Variants in TLE4 observed in about 807,000 individuals in gnomAD.
TLE4 encodes the protein TLE family member 4, transcriptional corepressor, also known as transducin-like enhancer protein 4.
A neutral mutation model predicts 92.8 loss-of-function variants in TLE4; 8 were observed. That is an observed-to-expected ratio of 0.09 (90% CI 0.05 to 0.16). The LOEUF (loss-of-function observed/expected upper bound fraction) is 0.16. Ranked by LOEUF, TLE4 falls within the 10% of genes least tolerant of loss-of-function variation. The pLI is 1.00. For missense variants in TLE4, 675 were observed against 997.6 expected (o/e 0.68, Z 4.36); for synonymous variants, 371 against 374.1 (o/e 0.99, Z 0.10).
At chr9:79,591,534 C>G (rs1414484808) in intron 4 of TLE4, among the ~76,000 whole-genome samples, 3 of 152,166 alleles carry the variant, frequency 2.0e-5, no homozygotes, top group Non-Finnish European at 4.4e-5. Flanking sequence ...GGGACCATAT[C>G]TGTTTTGCTA....
intron 4 of TLE4, among the ~76,000 whole-genome samples, chr9:79,600,446 T>C (rs1419968719): frequency 6.6e-6 from 1 of 152,098 alleles, no homozygotes; most frequent in East Asian, 1.9e-4. Flanking sequence ...TGAATGGTAG[T>C]GGACTTTGTG....
At chr9:79,703,925 C>T (rs1565052339) in intron 8 of TLE4, among the ~76,000 whole-genome samples, 1 of 151,964 alleles carries the variant, frequency 6.6e-6, no homozygotes, top group Non-Finnish European at 1.5e-5. Context: ...CCCAAAATTA[C>T]TTTCCCCCCT....
intron 14 of TLE4, among the ~76,000 whole-genome samples, chr9:79,710,362 G>T (rs1411564694): frequency 6.6e-6 from 1 of 152,236 alleles, no homozygotes; most frequent in Non-Finnish European, 1.5e-5. Context: ...AGCACTGGCT[G>T]TTTCTTTAAA....
intron 7 of TLE4, 139 bp from the exon 8 acceptor site, chr9:79,653,920 C>A: frequency 1.0e-6 from 1 of 974,756 alleles, no homozygotes; most frequent in Non-Finnish European, 1.6e-6. Context: ...TTTTACAGCA[C>A]AGTTGACATC....
chr9:79,580,754 A>G (rs530043851), intron 4 of TLE4, among the ~76,000 whole-genome samples: 1 of 151,892 alleles, frequency 6.6e-6, no homozygotes, highest in Non-Finnish European at 1.5e-5. Context: ...GAACTCTTGT[A>G]TAATAATGAG....
chr9:79,676,122 C>T (rs912909856), intron 8 of TLE4, among the ~76,000 whole-genome samples: 1 of 152,028 alleles, frequency 6.6e-6, no homozygotes, highest in African/African-American at 2.4e-5. Flanking sequence ...ACTTTACACT[C>T]GTTTTATACT....
chr9:79,679,630 A>G (rs1293070394), intron 8 of TLE4, among the ~76,000 whole-genome samples: 1 of 152,042 alleles, frequency 6.6e-6, no homozygotes, highest in Non-Finnish European at 1.5e-5. Flanking sequence ...ATTAGATCCC[A>G]TTTGTCAATT....
At chr9:79,710,775 T>A (rs2073075485) in intron 14 of TLE4, among the ~76,000 whole-genome samples, 1 of 152,204 alleles carries the variant, frequency 6.6e-6, no homozygotes, top group African/African-American at 2.4e-5. Flanking sequence ...ACTACCTTTT[T>A]AATGCTTTTT....
chr9:79,656,161 T>C (rs186842073), intron 8 of TLE4, among the ~76,000 whole-genome samples: 4 of 152,296 alleles, frequency 2.6e-5, no homozygotes, highest in Non-Finnish European at 5.9e-5. Context: ...TGAGATAGTT[T>C]GCTTATTTTT....
intron 8 of TLE4, among the ~76,000 whole-genome samples, chr9:79,687,650 C>G (rs774611207): frequency 4.6e-5 from 7 of 152,112 alleles, no homozygotes; most frequent in Non-Finnish European, 8.8e-5. Flanking sequence ...CTTCCTTGGC[C>G]TCTTCCTTGC....
At chr9:79,628,167 G>T (rs927292714) in intron 6 of TLE4, among the ~76,000 whole-genome samples, 2 of 152,008 alleles carry the variant, frequency 1.3e-5, no homozygotes, top group Non-Finnish European at 2.9e-5. Context: ...AATCACAGCT[G>T]TAAAGAGCAT....
intron 4 of TLE4, among the ~76,000 whole-genome samples, chr9:79,604,591 G>T (rs549592552): frequency 1.1e-4 from 16 of 152,182 alleles, no homozygotes; most frequent in African/African-American, 3.4e-4. Context: ...ACTGAGAAAT[G>T]CAGGATAGAT....
rs1434078094 is a variant in TLE4, at chr9:79,572,838, G to A, written c.45+3G>A. On this transcript the variant is annotated splice_donor_region_variant and intron_variant, in intron 1 of 19. Transcript: ENST00000376552. ...TGTACCCGCAGACCAGACACCCAGTGAGTGCGGGCGGCGGGGCGCGGGCTC... is the reference window on the plus strand; with the variant it reads ...TGTACCCGCAGACCAGACACCCAGTAAGTGCGGGCGGCGGGGCGCGGGCTC... 2 of 1,594,334 alleles carry A rather than the reference G, an allele frequency of 1.3e-6. No individual in the cohort carries two copies. Among genetic ancestry groups the A allele is most frequent in the East Asian group, 2.3e-5 (1 of 42,844 alleles).
intron 8 of TLE4, among the ~76,000 whole-genome samples, chr9:79,680,571 A>G (rs1170997168): frequency 6.6e-6 from 1 of 152,214 alleles, no homozygotes; most frequent in South Asian, 2.1e-4. Flanking sequence ...GTCATCTGCA[A>G]ACAGGGAGGA....
In TLE4 at chr9:79,655,941, G is replaced by GAA. The variant is rs1587887063; in HGVS notation, c.609+1866_609+1867insAA. Among the ~76,000 whole-genome samples the GAA allele has an allele frequency of 2.0e-5, 3 of 152,280 alleles. No individual in the cohort carries two copies. The East Asian group carries it at 5.8e-4, about 29-fold the overall frequency. ...CTTATTCCCTCATGCAAGAGTAAGG[G>GAA]TGTGTTTTGAAATCATCAATAATCA... On this transcript the variant is annotated intron_variant, in intron 8 of 19. Transcript: ENST00000376552.
At chr9:79,594,360 G>A (rs2043427033) in intron 4 of TLE4, among the ~76,000 whole-genome samples, 1 of 152,172 alleles carries the variant, frequency 6.6e-6, no homozygotes, top group Non-Finnish European at 1.5e-5. Flanking sequence ...CCATGGTATA[G>A]TTTATATAGT....
intron 4 of TLE4, among the ~76,000 whole-genome samples, chr9:79,592,711 G>C (rs112418308): frequency 6.1e-4 from 93 of 152,166 alleles, no homozygotes; most frequent in Non-Finnish European, 1.1e-3. Context: ...AGTAGGTACA[G>C]AATACTCAAA....
At chr9:79,638,970 C>T (rs1011140607) in intron 6 of TLE4, among the ~76,000 whole-genome samples, 1 of 152,130 alleles carries the variant, frequency 6.6e-6, no homozygotes, top group African/African-American at 2.4e-5. Context: ...TTGCAGGCTT[C>T]CTTACAGAAG....
intron 8 of TLE4, among the ~76,000 whole-genome samples, chr9:79,693,338 T>C (rs1434191752): frequency 6.6e-6 from 1 of 152,156 alleles, no homozygotes; most frequent in Non-Finnish European, 1.5e-5. Flanking sequence ...TCAAGCCTGC[T>C]AATAACCTCT....
Sources: allele counts gnomAD v4.1 joint callset (sites outside exome capture counted in the v4.1 genomes callset), GRCh38; gene constraint gnomAD v4.1.1; transcripts MANE v1.5; gene names NCBI Gene and HGNC (gene_info 2026-07-23, HGNC 2026-07-21).